The following KCTD16 variants were observed in gnomAD, a reference collection of about 807,000 sequenced individuals.
KCTD16 encodes potassium channel tetramerization domain containing 16.
A neutral mutation model predicts 33.2 loss-of-function variants in KCTD16; 13 were observed. The observed-to-expected ratio is 0.39, with a 90% CI of 0.25 to 0.62. The LOEUF (loss-of-function observed/expected upper bound fraction) is 0.62, where lower values mean the gene tolerates loss of function less well. Ranked by LOEUF, KCTD16 falls within the 20% of genes least tolerant of loss-of-function variation. The pLI, the probability that KCTD16 is intolerant of heterozygous loss-of-function variation, is 0.50. For synonymous variants in KCTD16, 197 were observed against 195.3 expected, an observed-to-expected ratio of 1.01 and a Z score of -0.07; for missense variants, 441 against 525.1, an observed-to-expected ratio of 0.84 and a Z score of 1.57.
chr5:144,209,773 TG>T (rs1476513297), intron 3 of KCTD16, among the ~76,000 whole-genome samples: 1 of 146,872 alleles, frequency 6.8e-6, no homozygotes, highest in Non-Finnish European at 1.5e-5. Context: ...AACTTCCTCC[TG>T]GGCTTAGGGG....
At chr5:144,283,345 C>G (rs1036370266) in intron 3 of KCTD16, among the ~76,000 whole-genome samples, 17 of 152,288 alleles carry the variant, frequency 1.1e-4, no homozygotes, top group African/African-American at 3.4e-4. Flanking sequence ...CTTATGCATG[C>G]TGTCTAACAG....
At chr5:144,207,605 A>G (rs988705522) in intron 3 of KCTD16, 59 bp downstream of exon 3, 5 of 1,240,012 alleles carry the variant, frequency 4.0e-6, no homozygotes, top group Non-Finnish European at 5.7e-6. Context: ...ACAAATGTAT[A>G]TGGTCTGTGT....
chr5:144,374,834 G>A (rs1315251578), intron 3 of KCTD16, among the ~76,000 whole-genome samples: 2 of 151,962 alleles, frequency 1.3e-5, no homozygotes, highest in Non-Finnish European at 2.9e-5. Context: ...TTTCTCTGCT[G>A]TGTTTTTCAC....
chr5:144,459,572 A>G (rs532696658), intron 3 of KCTD16, among the ~76,000 whole-genome samples: 8 of 150,722 alleles, frequency 5.3e-5, no homozygotes, highest in South Asian at 2.1e-4. Context: ...CTGGTCTCAA[A>G]CTCCTGACCT....
intron 3 of KCTD16, among the ~76,000 whole-genome samples, chr5:144,265,929 A>G (rs564450700): frequency 7.2e-4 from 109 of 152,288 alleles, no homozygotes; most frequent in African/African-American, 2.5e-3. Flanking sequence ...TTTTTCTCCT[A>G]TATATGGCCT....
At chr5:144,365,326 C>T (rs1157471214) in intron 3 of KCTD16, among the ~76,000 whole-genome samples, 4 of 151,926 alleles carry the variant, frequency 2.6e-5, no homozygotes, top group Non-Finnish European at 4.4e-5. Context: ...AACGGTCTTA[C>T]GTTATACAAT....
In KCTD16 at chr5:144,356,170, T is replaced by C. The variant is rs1242467137; in HGVS notation, c.833-117490T>C. On this transcript the variant is annotated intron_variant, in intron 3 of 3. Transcript: ENST00000512467. ...GCTACGACGGTCTCACTCAATGAAA[T>C]ATACATGCCTGGCTATGTTTATTTT... is the stretch of plus-strand genomic sequence containing the variant. Among the ~76,000 whole-genome samples the C allele has an allele frequency of 3.3e-5, 5 of 152,312 alleles. No homozygotes were observed. The South Asian group carries it at 1.0e-3, about 32-fold the overall frequency.
chr5:144,329,588 T>A (rs1209870413), intron 3 of KCTD16, among the ~76,000 whole-genome samples: 1 of 152,216 alleles, frequency 6.6e-6, no homozygotes, highest in Non-Finnish European at 1.5e-5. Flanking sequence ...AGCTCTATTA[T>A]GTACCAAAAC....
At chr5:144,472,307 A>T (rs1754494514) in intron 3 of KCTD16, among the ~76,000 whole-genome samples, 2 of 152,242 alleles carry the variant, frequency 1.3e-5, no homozygotes, top group Non-Finnish European at 2.9e-5. Flanking sequence ...TTATGACTCC[A>T]GGAAGACTGT....
At chr5:144,328,285 A>T (rs577135095) in intron 3 of KCTD16, among the ~76,000 whole-genome samples, 5 of 152,194 alleles carry the variant, frequency 3.3e-5, no homozygotes, top group African/African-American at 1.2e-4. Flanking sequence ...GACAAGTTTG[A>T]CAATTCATGG....
At chr5:144,181,964 C>T (rs1374254276) in intron 2 of KCTD16, among the ~76,000 whole-genome samples, 1 of 151,784 alleles carries the variant, frequency 6.6e-6, no homozygotes, top group East Asian at 1.9e-4. Context: ...CGTGGTGGCA[C>T]GTGCCTGTAA....
intron 3 of KCTD16, among the ~76,000 whole-genome samples, chr5:144,458,743 T>C (rs1003607964): frequency 1.3e-5 from 2 of 152,202 alleles, no homozygotes; most frequent in Non-Finnish European, 2.9e-5. Flanking sequence ...ATGTTTGAGC[T>C]TCAGGCTTTC....
intron 3 of KCTD16, among the ~76,000 whole-genome samples, chr5:144,380,232 C>T (rs554449462): frequency 6.6e-6 from 1 of 152,052 alleles, no homozygotes; most frequent in Non-Finnish European, 1.5e-5. Context: ...AGTACAATCC[C>T]ATTCACAACA....
chr5:144,307,998 A>G (rs1424936867), intron 3 of KCTD16, among the ~76,000 whole-genome samples: 1 of 152,212 alleles, frequency 6.6e-6, no homozygotes, highest in East Asian at 1.9e-4. Flanking sequence ...CAGCACATTA[A>G]TCATGCTGAC....
At chr5:144,461,768 A>C (rs922436465) in intron 3 of KCTD16, among the ~76,000 whole-genome samples, 2 of 151,708 alleles carry the variant, frequency 1.3e-5, no homozygotes, top group Non-Finnish European at 2.9e-5. Context: ...CCCGTGAACT[A>C]CTCTTAACTC....
rs139975933 is a variant in KCTD16 at position 144,361,471 on chromosome 5, A to G, written c.833-112189A>G. On this transcript the variant is annotated intron_variant, in intron 3 of 3. Transcript: ENST00000512467. ...TGGTTTGAATGATAAGTTGCAAAGTAACGATTCAGATGTATTATGTCCACT... is the reference window on the plus strand; with the variant it reads ...TGGTTTGAATGATAAGTTGCAAAGTGACGATTCAGATGTATTATGTCCACT... 1.3e-3 allele frequency among the ~76,000 whole-genome samples: 204 copies of G among 152,332 alleles called. 4 individuals carry two copies. The East Asian group carries it at 0.037, about 28-fold the overall frequency.
chr5:144,455,258 T>C (rs1274931751), intron 3 of KCTD16, among the ~76,000 whole-genome samples: 1 of 152,130 alleles, frequency 6.6e-6, no homozygotes, highest in Non-Finnish European at 1.5e-5. Flanking sequence ...TGCTTCCACA[T>C]GGCCCCTTCT....
intron 3 of KCTD16, among the ~76,000 whole-genome samples, chr5:144,337,104 A>G (rs925280996): frequency 2.6e-5 from 4 of 151,782 alleles, no homozygotes; most frequent in African/African-American, 9.7e-5. Context: ...TAATATTGCA[A>G]TGGGTTGGTG....
At chr5:144,193,970 G>A (rs1312863710) in intron 2 of KCTD16, among the ~76,000 whole-genome samples, 1 of 152,072 alleles carries the variant, frequency 6.6e-6, no homozygotes, top group African/African-American at 2.4e-5. Context: ...GATGAGAGTG[G>A]AAAACAGATA....
Sources: allele counts gnomAD v4.1 joint callset (sites outside exome capture counted in the v4.1 genomes callset), GRCh38; gene constraint gnomAD v4.1.1; transcripts MANE v1.5; gene names NCBI Gene and HGNC (gene_info 2026-07-23, HGNC 2026-07-21).